CETP: variants seen among roughly 807,000 people sequenced by gnomAD.
The protein encoded by CETP is BPI fold containing family F.
In CETP, 56 loss-of-function variants were observed where a neutral mutation model predicts 66.5. The observed-to-expected ratio is 0.84, with a 90% confidence interval of 0.68 to 1.05. The LOEUF is 1.05. Ranked by LOEUF, CETP falls within the 50% of genes least tolerant of loss-of-function variation. The pLI, the probability that CETP is intolerant of heterozygous loss-of-function variation, is 0.00. For missense variants in CETP, 612 were observed against 609.6 expected (o/e 1.00, Z -0.04); for synonymous variants, 251 against 245.7 (o/e 1.02, Z -0.20).
chr16:56,969,354 C>T, intron 2 of CETP, 32 bp from the exon 3 acceptor site: 1 of 1,612,818 alleles, frequency 6.2e-7, no homozygotes, highest in Non-Finnish European at 8.5e-7. Context: ...GGATGACCCC[C>T]AACATCCTTC....
chr16:56,971,968 T>C (rs749941633), intron 7 of CETP, 24 bp from the exon 8 acceptor site: 1 of 1,606,022 alleles, frequency 6.2e-7, no homozygotes. Context: ...CCTGAGGCCC[T>C]GCGTTGATCT....
Position 56,969,694 on chromosome 16 carries a change from C to A in CETP, c.439+13C>A, listed in dbSNP as rs1018894547. ...AACACACAGCTGAGTATGTGTCAAG[C>A]GTCCTCTGGGGAAGTGGGAGCTGGA... On this transcript the variant is annotated intron_variant, in intron 4 of 15. Transcript: ENST00000200676. The A allele has an allele frequency of 1.2e-6, 2 of 1,613,220 alleles. No homozygotes were observed. Among genetic ancestry groups the A allele is most frequent in the African/African-American group, 1.3e-5 (1 of 74,922 alleles).
In CETP at chr16:56,969,685, T is replaced by G; in HGVS notation, c.439+4T>G. On this transcript the variant is annotated splice_donor_region_variant and intron_variant, in intron 4 of 15. Coordinates refer to ENST00000200676, the MANE Select transcript of CETP (RefSeq NM_000078.3). ...CTCCAGATCAACACACAGCTGAGTATGTGTCAAGCGTCCTCTGGGGAAGTG... is the reference window on the plus strand; with the variant it reads ...CTCCAGATCAACACACAGCTGAGTAGGTGTCAAGCGTCCTCTGGGGAAGTG... 6.2e-7 allele frequency: 1 copy of G among 1,613,860 alleles called. No individual in the cohort carries two copies. The highest frequency in any genetic ancestry group is 1.1e-5 in the South Asian group (1 of 91,084).
intron 11 of CETP, among the ~76,000 whole-genome samples, chr16:56,978,773 A>G (rs1477271337): frequency 6.6e-6 from 1 of 152,166 alleles, no homozygotes; most frequent in Non-Finnish European, 1.5e-5. Context: ...GGCATGAGCC[A>G]CCATGCCAAG....
At position 56,971,050 on chromosome 16, in the gene CETP, A is replaced by G; in HGVS notation, c.545A>G (p.Gln182Arg). The change falls in exon 6 of 16, where the codon CAG becomes CGG. Residue 182 changes from glutamine (Q) to arginine (R), a missense_variant. Physicochemically the swap from Gln to Arg is conservative, Grantham distance 43. Coordinates refer to ENST00000200676, the MANE Select transcript of CETP (RefSeq NM_000078.3). ...QGEREPGWIKQLFTNFISFTL... is the reference protein window; with the variant it reads ...QGEREPGWIKRLFTNFISFTL... ...GCCTTCAGGCCTGGGTGGATCAAGC[A>G]GCTGTTCACAAATTTCATCTCCTTC... 6.2e-7 allele frequency: 1 copy of G among 1,614,154 alleles called. No individual in the cohort carries two copies. The highest frequency in any genetic ancestry group is 8.5e-7 in the Non-Finnish European group (1 of 1,180,030).
At chr16:56,975,484 A>G (rs990213960) in intron 10 of CETP, among the ~76,000 whole-genome samples, 2 of 152,180 alleles carry the variant, frequency 1.3e-5, no homozygotes, top group Non-Finnish European at 2.9e-5. Context: ...AGGGACTTGT[A>G]GGGGGCTGGA....
intron 10 of CETP, among the ~76,000 whole-genome samples, chr16:56,977,821 C>A (rs1353591661): frequency 6.6e-6 from 1 of 152,118 alleles, no homozygotes; most frequent in Non-Finnish European, 1.5e-5. Context: ...AAGTGAGGCC[C>A]AGAAGGCTAA....
At chr16:56,973,863 G>A (rs997366086) in intron 9 of CETP, among the ~76,000 whole-genome samples, 1 of 152,258 alleles carries the variant, frequency 6.6e-6, no homozygotes, top group Non-Finnish European at 1.5e-5. Flanking sequence ...CTCTAAGGGG[G>A]TCTGCATGAG....
Position 56,983,760 on chromosome 16 carries a change from T to A in CETP, c.*94T>A. The A allele has an allele frequency of 8.2e-7, 1 of 1,216,478 alleles. No individual in the cohort carries two copies. Among genetic ancestry groups the A allele is most frequent in the Non-Finnish European group, 1.2e-6 (1 of 819,074 alleles). The allele number at this position is 1,216,478 out of a possible 1,614,324, so 75.4% of individuals were successfully genotyped here. Reference sequence around the variant, plus strand: ...GGTGTCTCCTCCAGCGTGGTGGAAGTTGGGTTAGGAGTACGGAGATGGAGA... The same window carrying A: ...GGTGTCTCCTCCAGCGTGGTGGAAGATGGGTTAGGAGTACGGAGATGGAGA... On this transcript the variant is annotated 3_prime_UTR_variant, in exon 16 of 16. Transcript: ENST00000200676.
chr16:56,971,105 G>T lies in CETP; in HGVS notation c.597+3G>T, dbSNP rs1431421756. 2 of 1,613,802 alleles carry T rather than the reference G, an allele frequency of 1.2e-6. No homozygotes were observed. Among genetic ancestry groups the T allele is most frequent in the South Asian group, 2.2e-5 (2 of 91,070 alleles). On this transcript the variant is annotated splice_donor_region_variant and intron_variant, in intron 6 of 15. Coordinates refer to ENST00000200676, the MANE Select transcript of CETP (RefSeq NM_000078.3). The stretch of plus-strand genomic sequence containing the variant: ...TGAAGCTGGTCCTGAAGGGACAGGT[G>T]AGTGAGGCTGGCTGACTCCCTGTGG...
chr16:56,969,934 C>G lies in CETP; in HGVS notation c.460C>G (p.Arg154Gly), dbSNP rs34716057. 3.1e-6 allele frequency: 5 copies of G among 1,614,038 alleles called. No homozygotes were observed. The highest frequency in any genetic ancestry group is 3.4e-6 in the Non-Finnish European group (4 of 1,179,966). ...TGCAGCCTGTGACTCTGGTAGAGTG[C>G]GGACCGATGCCCCTGACTGCTACCT... The part of the protein sequence containing the change: ...TQLTCDSGRV[R>G]TDAPDCYLSF... Residue 154 changes from arginine to glycine, a missense_variant, in exon 5 of 16, where the codon CGG becomes GGG. By Grantham distance (125) the Arg-to-Gly change is moderately radical. Coordinates refer to ENST00000200676, the MANE Select transcript of CETP (RefSeq NM_000078.3).
chr16:56,975,198 T>C (rs1597003184), intron 10 of CETP, 47 bp downstream of exon 10: 8 of 1,569,656 alleles, frequency 5.1e-6, no homozygotes, highest in Non-Finnish European at 7.0e-6. Flanking sequence ...CGTACCCCAA[T>C]CCTGCTCTGG....
intron 2 of CETP, among the ~76,000 whole-genome samples, chr16:56,967,191 T>C (rs12720913): frequency 0.015 from 2,241 of 148,646 alleles, 74 homozygotes; most frequent in African/African-American, 0.053. Flanking sequence ...CTATTAAAAG[T>C]ACAAAATTAG....
intron 2 of CETP, among the ~76,000 whole-genome samples, chr16:56,968,729 CTT>C (rs201835654): frequency 2.8e-4 from 35 of 126,878 alleles, no homozygotes; most frequent in Non-Finnish European, 3.1e-4. Flanking sequence ...GAGTCTTCTT[CTT>C]TTTTTTTTTT....
rs937570567 is a variant in CETP, at chr16:56,981,352, A to G, written c.1214+127A>G. 2.9e-5 allele frequency: 25 copies of G among 851,488 alleles called. No homozygotes were observed. In the Admixed American group the frequency reaches 4.4e-4, roughly 15 times the overall value. 52.7% of individuals were successfully genotyped at this position (851,488 alleles called of 1,614,324 possible). On this transcript the variant is annotated intron_variant, in intron 12 of 15. Transcript: ENST00000200676. ...CCTTTCTTCTGGGGCATATGGGCTG[A>G]CTGCAGGGAGATAAGACCCTGCCTA...
intron 10 of CETP, among the ~76,000 whole-genome samples, chr16:56,977,059 C>T (rs1378566296): frequency 2.6e-5 from 4 of 152,002 alleles, no homozygotes; most frequent in Non-Finnish European, 4.4e-5. Context: ...CAGGGGTGCA[C>T]CACTGTGCCC....
chr16:56,973,138 G>T (rs1169280611), intron 8 of CETP, among the ~76,000 whole-genome samples, 193 bp from the exon 9 acceptor site: 1 of 152,218 alleles, frequency 6.6e-6, no homozygotes, highest in East Asian at 1.9e-4. Context: ...CGGTGGTTGA[G>T]ACATAGTGGG....
chr16:56,979,242 A>G (rs936965034), intron 11 of CETP, among the ~76,000 whole-genome samples: 12 of 152,236 alleles, frequency 7.9e-5, no homozygotes, highest in Admixed American at 2.0e-4. Context: ...TGAATTTGTA[A>G]AAGTAGTATA....
intron 11 of CETP, among the ~76,000 whole-genome samples, chr16:56,978,850 G>A (rs892587735): frequency 2.0e-5 from 3 of 151,820 alleles, no homozygotes; most frequent in Admixed American, 6.6e-5. Flanking sequence ...TTTTGACACA[G>A]AGTCTCACTG....
Sources: allele counts gnomAD v4.1 joint callset (sites outside exome capture counted in the v4.1 genomes callset), GRCh38; gene constraint gnomAD v4.1.1; transcripts MANE v1.5; gene names NCBI Gene and HGNC (gene_info 2026-07-23, HGNC 2026-07-21).